The following VPS37C variants were observed in gnomAD, a reference collection of about 807,000 sequenced individuals.
The protein encoded by VPS37C is vacuolar protein sorting-associated protein 37C.
A neutral mutation model predicts 16.1 loss-of-function variants in VPS37C; 9 were observed. The ratio of observed to expected loss-of-function variants is 0.56; its 90% confidence interval spans 0.34 to 0.97. The LOEUF is 0.97. Among genes scored for constraint, VPS37C ranks in the 50% least tolerant of loss-of-function variants. The pLI is 0.02. For missense variants in VPS37C, 479 were observed against 472.7 expected (o/e 1.01, Z -0.12); for synonymous variants, 207 against 206.4 (o/e 1.00, Z -0.02).
At chr11:61,152,545 G>A (rs538390738) in intron 1 of VPS37C, among the ~76,000 whole-genome samples, 21 of 152,160 alleles carry the variant, frequency 1.4e-4, no homozygotes, top group African/African-American at 5.1e-4. Flanking sequence ...CACTATCAGA[G>A]CTCCCATGGC....
Position 61,131,728 on chromosome 11 carries a change from C to A in VPS37C, c.*92G>T. The A allele has an allele frequency of 1.6e-6, 2 of 1,232,272 alleles. No individual in the cohort carries two copies. The highest frequency in any genetic ancestry group is 1.0e-6 in the Non-Finnish European group (1 of 987,964). The allele number at this position is 1,232,272 out of a possible 1,614,324, so 76.3% of individuals were successfully genotyped here. ...CGCAAGTCCACAGGGAGCACCAACG[C>A]CACTTCCAGTTGACCCTCGAATCTC... On this transcript the variant is annotated 3_prime_UTR_variant, in exon 5 of 5. Coordinates refer to ENST00000301765, the MANE Select transcript of VPS37C (RefSeq NM_017966.5).
intron 2 of VPS37C, among the ~76,000 whole-genome samples, chr11:61,136,136 C>T (rs1411009679): frequency 2.6e-5 from 4 of 151,602 alleles, no homozygotes; most frequent in East Asian, 1.9e-4. Context: ...GATGGAGACC[C>T]TAAATGCCCT....
intron 1 of VPS37C, among the ~76,000 whole-genome samples, chr11:61,155,932 G>A (rs375185801): frequency 5.6e-4 from 86 of 152,270 alleles, no homozygotes; most frequent in African/African-American, 2.0e-3. Context: ...TAAAACAGGT[G>A]ACAACAATAC....
chr11:61,132,669 C>T (rs1472440535), intron 4 of VPS37C, 130 bp from the exon 5 acceptor site: 2 of 1,208,238 alleles, frequency 1.7e-6, no homozygotes, highest in Non-Finnish European at 2.3e-6. Flanking sequence ...TCTTCCCTGC[C>T]CATACGCCCC....
intron 1 of VPS37C, among the ~76,000 whole-genome samples, chr11:61,152,643 G>A (rs563780323): frequency 1.3e-5 from 2 of 152,068 alleles, no homozygotes; most frequent in South Asian, 2.1e-4. Context: ...AGCTGACCCC[G>A]AGCCTCTATT....
chr11:61,157,627 G>C (rs542904559), intron 1 of VPS37C, among the ~76,000 whole-genome samples: 6 of 152,166 alleles, frequency 3.9e-5, no homozygotes, highest in Non-Finnish European at 8.8e-5. Flanking sequence ...TACATACTCT[G>C]GAAATCAATT....
At chr11:61,153,180 G>C (rs1853327826) in intron 1 of VPS37C, among the ~76,000 whole-genome samples, 1 of 152,196 alleles carries the variant, frequency 6.6e-6, no homozygotes, top group Non-Finnish European at 1.5e-5. Context: ...TGGAGGGAGG[G>C]ACCTAGTGGG....
chr11:61,150,356 C>T (rs572494647), intron 1 of VPS37C, among the ~76,000 whole-genome samples: 2 of 152,096 alleles, frequency 1.3e-5, no homozygotes, highest in Non-Finnish European at 2.9e-5. Context: ...CCAGGCTCCC[C>T]GGATGAATGT....
rs377218229 is a variant in VPS37C, at chr11:61,132,174, G to A, written c.714C>T (p.Ser238=). 65 of 1,474,062 alleles carry A rather than the reference G, an allele frequency of 4.4e-5. No homozygotes were observed. The highest frequency in any genetic ancestry group is 2.9e-5 in the Non-Finnish European group (32 of 1,111,556). The allele number at this position is 1,474,062 out of a possible 1,614,324, so 91.3% of individuals were successfully genotyped here. The change falls in exon 5 of 5, where the codon AGC becomes AGT. Residue 238 remains serine, a synonymous_variant. Transcript: ENST00000301765. ...CCGGGTAAGTGGGGCCCAGAGGCCC[G>A]CTGTAGAAGGAGGGCTGGGACACTA... ...FPVVSQPSFY[S]GPLGPTYPAA... is the part of the protein sequence containing the mutation.
chr11:61,139,868 C>T (rs994500999), intron 1 of VPS37C, among the ~76,000 whole-genome samples: 1 of 151,852 alleles, frequency 6.6e-6, no homozygotes, highest in African/African-American at 2.4e-5. Context: ...CTCAACCTCC[C>T]GATAGCTGGC....
chr11:61,152,589 T>C (rs1484454968), intron 1 of VPS37C, among the ~76,000 whole-genome samples: 6 of 152,084 alleles, frequency 3.9e-5, no homozygotes, highest in Admixed American at 2.6e-4. Context: ...GGTATTATGT[T>C]CCAAATCTTG....
At chr11:61,156,830 T>G (rs537501819) in intron 1 of VPS37C, among the ~76,000 whole-genome samples, 21 of 152,312 alleles carry the variant, frequency 1.4e-4, no homozygotes, top group African/African-American at 4.8e-4. Context: ...CCACCATTCC[T>G]CTCCAGAAGA....
At chr11:61,143,174 A>G (rs1218933162) in intron 1 of VPS37C, among the ~76,000 whole-genome samples, 1 of 151,680 alleles carries the variant, frequency 6.6e-6, no homozygotes, top group Non-Finnish European at 1.5e-5. Context: ...CATCTTAGAC[A>G]GTGGGCGTCA....
intron 1 of VPS37C, among the ~76,000 whole-genome samples, chr11:61,142,030 C>T (rs1861480583): frequency 1.3e-5 from 2 of 152,220 alleles, no homozygotes; most frequent in South Asian, 4.1e-4. Flanking sequence ...GGCACCAACT[C>T]CCCTCCAGCT....
At chr11:61,159,019 C>T (rs1238564267) in intron 1 of VPS37C, among the ~76,000 whole-genome samples, 1 of 152,174 alleles carries the variant, frequency 6.6e-6, no homozygotes, top group African/African-American at 2.4e-5. Flanking sequence ...AACAGAGATC[C>T]AGCTGGATTA....
Position 61,132,559 on chromosome 11 carries a change from G to T in VPS37C, c.349-20C>A. 5.8e-6 allele frequency: 9 copies of T among 1,561,296 alleles called. No individual in the cohort carries two copies. Among genetic ancestry groups the T allele is most frequent in the Non-Finnish European group, 7.8e-6 (9 of 1,151,632 alleles). On this transcript the variant is annotated intron_variant, in intron 4 of 4. Coordinates refer to ENST00000301765, the MANE Select transcript of VPS37C (RefSeq NM_017966.5). The stretch of plus-strand genomic sequence containing the variant: ...CATGGCCTGGAAGACATAAGGTCCA[G>T]TGACAACAGGGGCAGCTGGGATCAA...
At chr11:61,139,635 G>A (rs1450552328) in intron 1 of VPS37C, among the ~76,000 whole-genome samples, 1 of 152,074 alleles carries the variant, frequency 6.6e-6, no homozygotes, top group Non-Finnish European at 1.5e-5. Flanking sequence ...GAACCCCAGG[G>A]ACTGAAGAGA....
rs1268006279 is a variant in VPS37C at position 61,130,650 on chromosome 11, T to C, written c.*1170A>G. 6.5e-6 allele frequency: 2 copies of C among 309,556 alleles called. No individual in the cohort carries two copies. Among genetic ancestry groups the C allele is most frequent in the Non-Finnish European group, 1.2e-5 (2 of 165,048 alleles). The allele number at this position is 309,556 out of a possible 1,614,324, so 19.2% of individuals were successfully genotyped here. ...CATCACACCCCCTTTGTCTATTGTA[T>C]TCATTCTTATTACTGAACATGCCCC... On this transcript the variant is annotated 3_prime_UTR_variant, in exon 5 of 5. Coordinates refer to ENST00000301765, the MANE Select transcript of VPS37C (RefSeq NM_017966.5).
chr11:61,138,622 A>G, intron 2 of VPS37C, 115 bp downstream of exon 2: 1 of 913,020 alleles, frequency 1.1e-6, no homozygotes, highest in East Asian at 2.5e-5. Flanking sequence ...TGAAGTTCAC[A>G]GAAAAGGGAG....
Sources: allele counts gnomAD v4.1 joint callset (sites outside exome capture counted in the v4.1 genomes callset), GRCh38; gene constraint gnomAD v4.1.1; transcripts MANE v1.5; gene names NCBI Gene and HGNC (gene_info 2026-07-23, HGNC 2026-07-21).